Variants in POTEF observed in about 807,000 individuals in gnomAD.
POTEF encodes ANKRD26-like family C member 1B.
A neutral mutation model predicts 83.2 loss-of-function variants in POTEF; 20 were observed. The observed-to-expected ratio is 0.24, with a 90% confidence interval of 0.17 to 0.35. The LOEUF (loss-of-function observed/expected upper bound fraction) is 0.35. Among genes scored for constraint, POTEF ranks in the 10% least tolerant of loss-of-function variants. The pLI is 1.00. For synonymous variants in POTEF, 196 were observed against 446.4 expected, an observed-to-expected ratio of 0.44 and a Z score of 7.07; for missense variants, 550 against 1,203.2, an observed-to-expected ratio of 0.46 and a Z score of 8.03.
intron 3 of POTEF, among the ~76,000 whole-genome samples, chr2:130,115,813 A>G (rs1684830748): frequency 6.6e-6 from 1 of 152,182 alleles, no homozygotes; most frequent in African/African-American, 2.4e-5. Context: ...TGATACAATT[A>G]TACCTACACT....
intron 8 of POTEF, among the ~76,000 whole-genome samples, chr2:130,107,374 T>C (rs1404839641): frequency 6.6e-6 from 1 of 150,976 alleles, no homozygotes; most frequent in African/African-American, 2.5e-5. Context: ...ATATGTAACA[T>C]GACTTGTGCT....
intron 3 of POTEF, among the ~76,000 whole-genome samples, chr2:130,116,358 C>T (rs1051971685): frequency 6.7e-6 from 1 of 149,510 alleles, no homozygotes; most frequent in African/African-American, 2.5e-5. Context: ...TCAACTGTTA[C>T]ATTCAGGGGT....
rs1239078642 is a variant in POTEF, at chr2:130,120,466, G to GGCTT, written c.46_49dup (p.Pro17GlnfsTer110). The GGCTT allele has an allele frequency of 1.2e-6, 2 of 1,613,568 alleles. No homozygotes were observed. Among genetic ancestry groups the GGCTT allele is most frequent in the East Asian group, 4.5e-5 (2 of 44,774 alleles). ...GCCCATCTTGCTCCTGAGACCAAAT[G>GGCTT]GCTTCTTCACAGAAGAGGCAGCCGG... is the stretch of plus-strand genomic sequence containing the variant. On this transcript the variant is annotated frameshift_variant, in exon 3 of 17. Coordinates refer to ENST00000409914, the MANE Select transcript of POTEF (RefSeq NM_001099771.2). LOFTEE classifies it high-confidence loss of function.
At chr2:130,106,220 C>T (rs2599856) in intron 8 of POTEF, among the ~76,000 whole-genome samples, 2 of 150,374 alleles carry the variant, frequency 1.3e-5, no homozygotes, top group African/African-American at 2.5e-5. Flanking sequence ...ACTCTGGTTC[C>T]TACTGTTTTA....
At chr2:130,107,098 G>A (rs1407184908) in intron 8 of POTEF, among the ~76,000 whole-genome samples, 1 of 145,988 alleles carries the variant, frequency 6.8e-6, no homozygotes, top group Non-Finnish European at 1.5e-5. Flanking sequence ...CAACCAGGTA[G>A]CATACTAGCA....
intron 3 of POTEF, among the ~76,000 whole-genome samples, 184 bp from the exon 4 acceptor site, chr2:130,115,512 GC>G (rs1684824771): frequency 6.6e-6 from 1 of 152,056 alleles, no homozygotes; most frequent in Admixed American, 6.5e-5. Flanking sequence ...TAATGAAAGG[GC>G]AGCCTATATG....
intron 2 of POTEF, 88 bp from the exon 3 acceptor site, chr2:130,120,696 C>T (rs1684978886): frequency 9.8e-7 from 1 of 1,016,990 alleles, no homozygotes; most frequent in African/African-American, 1.7e-5. Flanking sequence ...AGGGAAAACC[C>T]ACACCCACCC....
intron 8 of POTEF, among the ~76,000 whole-genome samples, chr2:130,103,540 G>C (rs3990564): frequency 0.51 from 52,749 of 102,442 alleles, 14,520 homozygotes; most frequent in Admixed American, 0.6. Flanking sequence ...CACCTGAACT[G>C]TACATTATTC....
chr2:130,075,588 G>T lies in POTEF; in HGVS notation c.1900-16C>A. 1.2e-6 allele frequency: 2 copies of T among 1,604,924 alleles called. No homozygotes were observed. The highest frequency in any genetic ancestry group is 2.2e-5 in the East Asian group (1 of 44,798). ...TAAGAGAAAGCTAAGTAAACAAAGA[G>T]AACTTTTAGTTAGCACTCAATAGAT... On this transcript the variant is annotated splice_polypyrimidine_tract_variant and intron_variant, in intron 16 of 16. Transcript: ENST00000409914.
rs1328438035 is a variant in POTEF at position 130,107,723 on chromosome 2, C to A, written c.1126+286G>T. ...GTATGAGAATCTAATGCCTGATGAT[C>A]TGTCACTGTCTCACTTTGCCCCCAG... On this transcript the variant is annotated intron_variant, in intron 8 of 16. Transcript: ENST00000409914. The A allele has an allele frequency of 7.6e-6, 3 of 397,236 alleles. No homozygotes were observed. In the East Asian group the frequency reaches 1.6e-4, roughly 21 times the overall value. The allele number at this position is 397,236 out of a possible 1,614,324, so 24.6% of individuals were successfully genotyped here.
chr2:130,122,664 T>C (rs1685023765), intron 2 of POTEF, among the ~76,000 whole-genome samples: 1 of 151,280 alleles, frequency 6.6e-6, no homozygotes, highest in Admixed American at 6.6e-5. Context: ...TTTTTTCAAT[T>C]GATATAGGAC....
intron 8 of POTEF, among the ~76,000 whole-genome samples, chr2:130,104,601 T>G (rs937684624): frequency 6.6e-6 from 1 of 151,612 alleles, no homozygotes; most frequent in Non-Finnish European, 1.5e-5. Context: ...AACTATGACA[T>G]GAAGTCAAGC....
At chr2:130,127,226 G>A (rs1258238063) in intron 2 of POTEF, among the ~76,000 whole-genome samples, 12 of 149,394 alleles carry the variant, frequency 8.0e-5, no homozygotes, top group Non-Finnish European at 1.5e-4. Flanking sequence ...TAGGGAGGCT[G>A]AGGCAGGAGG....
chr2:130,105,666 A>C (rs1434584809), intron 8 of POTEF, among the ~76,000 whole-genome samples: 1 of 148,750 alleles, frequency 6.7e-6, no homozygotes, highest in Non-Finnish European at 1.5e-5. Flanking sequence ...ACATAGTCTA[A>C]AATATTGCCC....
chr2:130,112,083 A>G lies in POTEF; in HGVS notation c.829T>C (p.Leu277=), dbSNP rs2443624. 124 of 1,493,050 alleles carry G rather than the reference A, an allele frequency of 8.3e-5. 9 individuals are homozygous for G. The African/African-American group carries it at 1.6e-3, about 19-fold the overall frequency. The allele number at this position is 1,493,050 out of a possible 1,614,324, so 92.5% of individuals were successfully genotyped here. The part of the protein sequence containing the change: ...SKNKHGLTPL[L]LGVHEQKQQV... ...TGTTTTTGCTCATGTACACCAAGTAACAGTGGTGTGAGGCCATGCTGTAAA... is the reference window on the plus strand; with the variant it reads ...TGTTTTTGCTCATGTACACCAAGTAGCAGTGGTGTGAGGCCATGCTGTAAA... Residue 277 remains leucine, a synonymous_variant, in exon 6 of 17, where the codon TTA becomes CTA. Coordinates refer to ENST00000409914, the MANE Select transcript of POTEF (RefSeq NM_001099771.2).
intron 5 of POTEF, among the ~76,000 whole-genome samples, chr2:130,113,898 G>C (rs1445141511): frequency 1.3e-5 from 2 of 151,568 alleles, no homozygotes; most frequent in South Asian, 2.1e-4. Context: ...GTAGGAGAGA[G>C]ACCCATTTGC....
chr2:130,122,275 G>A (rs1685017575), intron 2 of POTEF, among the ~76,000 whole-genome samples: 1 of 150,926 alleles, frequency 6.6e-6, no homozygotes, highest in Non-Finnish European at 1.5e-5. Context: ...ATACTTTTAT[G>A]TGTAAGGCAT....
In POTEF at chr2:130,126,681, T is replaced by C. The variant is rs1304543532; in HGVS notation, c.-94+1028A>G. ...GTGGTTTAACACAATCGTGAAAGCATAGCTATTCAAGTAACTAATTATACA... is the reference window on the plus strand; with the variant it reads ...GTGGTTTAACACAATCGTGAAAGCACAGCTATTCAAGTAACTAATTATACA... On this transcript the variant is annotated intron_variant, in intron 2 of 16. Coordinates refer to ENST00000409914, the MANE Select transcript of POTEF (RefSeq NM_001099771.2). Among the ~76,000 whole-genome samples, 4 of 152,034 alleles carry C rather than the reference T, an allele frequency of 2.6e-5. No homozygotes were observed. In the East Asian group the frequency reaches 7.7e-4, roughly 29 times the overall value.
At position 130,115,224 on chromosome 2, in the gene POTEF, G is replaced by C. The variant is rs780837983; in HGVS notation, c.626C>G (p.Ala209Gly). The change falls in exon 4 of 17, where the codon GCT (alanine) becomes GGT (glycine). Residue 209 changes from alanine (A) to glycine (G), a missense_variant. Transcript: ENST00000409914. Reference protein sequence around the residue: ...LNVLDNKKRTALIKAVQCQED... With the variant: ...LNVLDNKKRTGLIKAVQCQED... ...TTGGCTACTGCATACCTTTATCAGA[G>C]CTGTCCTCTTTTTGTTGTCAAGGAC... 5.5e-5 allele frequency: 89 copies of C among 1,612,444 alleles called. No homozygotes were observed. The East Asian group carries it at 1.3e-3, about 23-fold the overall frequency.
Sources: gnomAD v4.1 joint callset for allele counts (sites outside exome capture counted in the v4.1 genomes callset) on GRCh38, gnomAD v4.1.1 for gene constraint, MANE v1.5 for transcripts, NCBI Gene and HGNC (gene_info 2026-07-23, HGNC 2026-07-21) for gene names.